The following PIK3AP1 variants were observed in gnomAD, a reference collection of about 807,000 sequenced individuals.
PIK3AP1 encodes the protein phosphoinositide 3-kinase adapter protein 1.
Under a neutral mutation model 88.1 loss-of-function variants are expected in PIK3AP1, and 21 were observed. The ratio of observed to expected loss-of-function variants is 0.24; its 90% confidence interval spans 0.17 to 0.34. PIK3AP1 has a LOEUF of 0.34. Ranked by LOEUF, PIK3AP1 falls within the 10% of genes least tolerant of loss-of-function variation. The pLI is 1.00. For missense variants in PIK3AP1, 828 were observed against 1,035.7 expected (o/e 0.80, Z 2.75); for synonymous variants, 398 against 400.0 (o/e 1.00, Z 0.06).
At chr10:96,600,780 A>G (rs1848874935) in intron 16 of PIK3AP1, among the ~76,000 whole-genome samples, 1 of 152,244 alleles carries the variant, frequency 6.6e-6, no homozygotes, top group African/African-American at 2.4e-5. Context: ...TGGTTGAAGA[A>G]AAGCTTCCTC....
Position 96,595,482 on chromosome 10 carries a change from C to A in PIK3AP1, c.*95G>T. ...CAATGAGAATGGATCTTAAGGTCAA[C>A]AGTCATGCTATAAAACTCAACATGA... On this transcript the variant is annotated 3_prime_UTR_variant, in exon 17 of 17. Transcript: ENST00000339364. 7.7e-7 allele frequency: 1 copy of A among 1,295,314 alleles called. No individual in the cohort carries two copies. Among genetic ancestry groups the A allele is most frequent in the South Asian group, 1.2e-5 (1 of 80,670 alleles). 80.2% of individuals were successfully genotyped at this position (1,295,314 alleles called of 1,614,324 possible). A position where few individuals can be genotyped will look rare whatever the true frequency, so the allele number is the denominator to read the frequency against.
rs1843775631 is a variant in PIK3AP1 at position 96,667,155 on chromosome 10, C to A, written c.431-10221G>T. 2.0e-5 allele frequency among the ~76,000 whole-genome samples: 3 copies of A among 152,234 alleles called. 1 individual carries two copies. The South Asian group carries it at 6.2e-4, about 32-fold the overall frequency. ...ATGGAACCATCCATGGTCTTCCATG[C>A]CCTAGTGGCCTCCAACCCAAGGCTG... On this transcript the variant is annotated intron_variant, in intron 2 of 16. Coordinates refer to ENST00000339364, the MANE Select transcript of PIK3AP1 (RefSeq NM_152309.3).
At chr10:96,691,328 G>A (rs72824454) in intron 2 of PIK3AP1, among the ~76,000 whole-genome samples, 8 of 152,076 alleles carry the variant, frequency 5.3e-5, no homozygotes, top group Non-Finnish European at 5.9e-5. Flanking sequence ...GCCACTGTTC[G>A]CAAGGGAAAC....
At chr10:96,654,691 G>C (rs1029535579) in intron 3 of PIK3AP1, among the ~76,000 whole-genome samples, 2 of 152,194 alleles carry the variant, frequency 1.3e-5, no homozygotes, top group Non-Finnish European at 1.5e-5. Flanking sequence ...TGGGATAACA[G>C]GCAGTCAAGA....
At chr10:96,636,598 A>G (rs1347712651) in intron 8 of PIK3AP1, among the ~76,000 whole-genome samples, 1 of 152,232 alleles carries the variant, frequency 6.6e-6, no homozygotes, top group Non-Finnish European at 1.5e-5. Context: ...CAGGGCTTGT[A>G]CTTCAGATCC....
Position 96,645,605 on chromosome 10 carries a change from C to G in PIK3AP1, c.1243G>C (p.Ala415Pro), listed in dbSNP as rs191740470. 1.2e-6 allele frequency: 2 copies of G among 1,612,316 alleles called. No individual in the cohort carries two copies. Among genetic ancestry groups the G allele is most frequent in the African/African-American group, 2.7e-5 (2 of 74,796 alleles). ...GCCATGGACTCGTACACAGCATCAG[C>G]CTCCTCCCCGTGCATCAGTTCCTCT... The part of the protein sequence containing the change: ...IKEELMHGEE[A>P]DAVYESMAHL... Residue 415 changes from alanine (A) to proline (P), a missense_variant, in exon 8 of 17, where the codon GCT becomes CCT. This residue lies in a region of PIK3AP1 where 610 missense variants were observed against 760.1 expected (regional missense o/e 0.80). Coordinates refer to ENST00000339364, the MANE Select transcript of PIK3AP1 (RefSeq NM_152309.3).
chr10:96,687,746 T>C (rs1844094427), intron 2 of PIK3AP1, among the ~76,000 whole-genome samples: 1 of 152,142 alleles, frequency 6.6e-6, no homozygotes, highest in Non-Finnish European at 1.5e-5. Flanking sequence ...GTGCACTAAC[T>C]TCCTCCACAA....
In PIK3AP1 at chr10:96,632,824, AC is replaced by A. The variant is rs1843262481; in HGVS notation, c.1376-4332del. 3.5e-5 allele frequency: 55 copies of A among 1,573,094 alleles called. 1 individual carries two copies. The South Asian group carries it at 6.4e-4, about 18-fold the overall frequency. ...GTTTTTCCCACTTCTGGCTGTATTG[AC>A]TACACATCCACCAGTCCAACACCAA... On this transcript the variant is annotated intron_variant, in intron 8 of 16. Transcript: ENST00000339364.
At position 96,623,496 on chromosome 10, in the gene PIK3AP1, C is replaced by T. The variant is rs751645271; in HGVS notation, c.1711G>A (p.Val571Ile). The change falls in exon 11 of 17, where the codon GTT becomes ATT. Residue 571 changes from valine to isoleucine, a missense_variant. Physicochemically the swap from Val to Ile is conservative, Grantham distance 29. Transcript: ENST00000339364. ...CCTTTCCTGATGCTCTCTGAGGAAA[C>T]GTAGAAATTCCCAGGCCGCTCTTGA... is the stretch of plus-strand genomic sequence containing the variant. ...KSQERPGNFY[V>I]SSESIRKGPP... 1.1e-5 allele frequency: 17 copies of T among 1,611,832 alleles called. No homozygotes were observed. The highest frequency in any genetic ancestry group is 6.6e-5 in the South Asian group (6 of 91,032).
At chr10:96,601,423 G>A (rs756909565) in intron 16 of PIK3AP1, among the ~76,000 whole-genome samples, 11 of 123,910 alleles carry the variant, frequency 8.9e-5, no homozygotes, top group East Asian at 2.5e-4. Flanking sequence ...GCAGTGAGCC[G>A]AGATCACACC....
intron 16 of PIK3AP1, among the ~76,000 whole-genome samples, chr10:96,597,271 TTTCCTTCCTTCCTTCCTTCCTTCC>T (rs536365112): frequency 8.5e-4 from 92 of 107,608 alleles, no homozygotes; most frequent in African/African-American, 2.9e-3. Flanking sequence ...TCTTTCTTTC[TTTCCTTCCTTCCTTCCTTCCTTCC>T]TTCCTTCCTT....
Position 96,628,403 on chromosome 10 carries a change from A to G in PIK3AP1, c.1466T>C (p.Leu489Ser). Reference protein sequence around the residue: ...ATKDSMIRKFLEGNSMGMTNL... With the variant: ...ATKDSMIRKFSEGNSMGMTNL... ...TGCTCATGGCTATGACTTACCTTCT[A>G]AAAACTTGCGGATCATAGAGTCCTT... Residue 489 changes from leucine (L) to serine (S), a missense_variant, in exon 9 of 17, where the codon TTA becomes TCA. Physicochemically the swap from Leu to Ser is moderately radical, Grantham distance 145 (BLOSUM62 -2). Transcript: ENST00000339364. The G allele has an allele frequency of 6.2e-7, 1 of 1,605,690 alleles. No homozygotes were observed. The highest frequency in any genetic ancestry group is 8.5e-7 in the Non-Finnish European group (1 of 1,172,282).
At chr10:96,638,149 A>C (rs1843337346) in intron 8 of PIK3AP1, among the ~76,000 whole-genome samples, 1 of 152,112 alleles carries the variant, frequency 6.6e-6, no homozygotes, top group African/African-American at 2.4e-5. Context: ...TGTGCCCCAA[A>C]ATTTCATGTG....
At chr10:96,609,038 G>A (rs1020393590) in intron 14 of PIK3AP1, among the ~76,000 whole-genome samples, 3 of 152,236 alleles carry the variant, frequency 2.0e-5, no homozygotes, top group African/African-American at 7.2e-5. Flanking sequence ...TGTATTGTCT[G>A]TGCAATCAGA....
At chr10:96,648,439 T>C (rs1032765259) in intron 7 of PIK3AP1, among the ~76,000 whole-genome samples, 1 of 152,212 alleles carries the variant, frequency 6.6e-6, no homozygotes, top group African/African-American at 2.4e-5. Flanking sequence ...ATACGTGACT[T>C]ACCCAACGTC....
intron 2 of PIK3AP1, among the ~76,000 whole-genome samples, chr10:96,665,070 G>C (rs1229117180): frequency 6.6e-6 from 1 of 151,184 alleles, no homozygotes; most frequent in African/African-American, 2.4e-5. Context: ...AATAATGTTT[G>C]AGCGAAGGTA....
intron 14 of PIK3AP1, among the ~76,000 whole-genome samples, chr10:96,605,750 G>A (rs1051751483): frequency 2.6e-5 from 4 of 152,104 alleles, no homozygotes; most frequent in African/African-American, 9.7e-5. Context: ...AAAATAATAC[G>A]TCAAAATGTT....
intron 2 of PIK3AP1, among the ~76,000 whole-genome samples, chr10:96,680,950 A>C (rs1326400480): frequency 6.6e-6 from 1 of 152,242 alleles, no homozygotes; most frequent in East Asian, 1.9e-4. Flanking sequence ...AAATCTACCC[A>C]GTCACCTACG....
chr10:96,659,420 C>T (rs1376993586), intron 2 of PIK3AP1, among the ~76,000 whole-genome samples: 3 of 152,142 alleles, frequency 2.0e-5, no homozygotes, highest in African/African-American at 7.2e-5. Flanking sequence ...ACCCACAGTG[C>T]AGTCTACCAT....
Sources: gnomAD v4.1 joint callset for allele counts (sites outside exome capture counted in the v4.1 genomes callset) on GRCh38, gnomAD v4.1.1 for gene constraint, gnomAD v4.1.1 regional missense constraint, MANE v1.5 for transcripts, NCBI Gene and HGNC (gene_info 2026-07-23, HGNC 2026-07-21) for gene names.